The following FNDC3B variants were observed in gnomAD, a reference collection of about 807,000 sequenced individuals.
FNDC3B encodes the protein fibronectin type III domain containing 3B.
In FNDC3B, 12 loss-of-function variants were observed where a neutral mutation model predicts 151.5. The observed-to-expected ratio is 0.08, with a 90% CI of 0.05 to 0.13. The LOEUF is 0.13. Ranked by LOEUF, FNDC3B falls within the 10% of genes least tolerant of loss-of-function variation. The pLI, the probability that FNDC3B is intolerant of heterozygous loss-of-function variation, is 1.00. For synonymous variants in FNDC3B, 528 were observed against 549.0 expected, an observed-to-expected ratio of 0.96 and a Z score of 0.54; for missense variants, 1,214 against 1,505.3, an observed-to-expected ratio of 0.81 and a Z score of 3.20.
rs113096080 is a variant in FNDC3B, at chr3:172,192,432, G to A, written c.188-34439G>A. ...GCTCTCCTGACCTTGTGATCCGCCC[G>A]CCTCGGCCTCCCAAAGTGCTAGGAT... On this transcript the variant is annotated intron_variant, in intron 3 of 25. Coordinates refer to ENST00000415807, the MANE Select transcript of FNDC3B (RefSeq NM_022763.4). Among the ~76,000 whole-genome samples, 1,279 of 151,900 alleles carry A rather than the reference G, an allele frequency of 8.4e-3. 15 individuals are homozygous for A. The highest frequency in any genetic ancestry group is 0.029 in the African/African-American group (1,192 of 41,422).
At chr3:172,237,752 G>T (rs1727241427) in intron 4 of FNDC3B, among the ~76,000 whole-genome samples, 1 of 152,202 alleles carries the variant, frequency 6.6e-6, no homozygotes. Context: ...ACAAAATTAG[G>T]TGTTTAGACT....
At chr3:172,283,577 A>G (rs1729852420) in intron 6 of FNDC3B, among the ~76,000 whole-genome samples, 1 of 152,184 alleles carries the variant, frequency 6.6e-6, no homozygotes, top group South Asian at 2.1e-4. Flanking sequence ...TAGCAAGAGG[A>G]AACAGTTACC....
chr3:172,363,208 T>C (rs1359125901), intron 23 of FNDC3B, among the ~76,000 whole-genome samples: 1 of 152,200 alleles, frequency 6.6e-6, no homozygotes, highest in Non-Finnish European at 1.5e-5. Flanking sequence ...GAAGAGATGT[T>C]ACCTCTTTAA....
rs561344481 is a variant in FNDC3B, at chr3:172,133,343, C to T, written c.112-128C>T. ...CATGCCCCCAATTAAGACTTATACT[C>T]CAAGTTTTGTGTTTATAAAAGATTT... is the stretch of plus-strand genomic sequence containing the variant. On this transcript the variant is annotated intron_variant, in intron 2 of 25. Coordinates refer to ENST00000415807, the MANE Select transcript of FNDC3B (RefSeq NM_022763.4). 7.5e-5 allele frequency: 53 copies of T among 703,928 alleles called. 1 individual carries two copies. In the South Asian group the frequency reaches 8.4e-4, roughly 11 times the overall value. 43.6% of individuals were successfully genotyped at this position (703,928 alleles called of 1,614,324 possible).
intron 3 of FNDC3B, among the ~76,000 whole-genome samples, chr3:172,171,873 C>T (rs191355988): frequency 6.6e-6 from 1 of 152,014 alleles, no homozygotes; most frequent in Non-Finnish European, 1.5e-5. Context: ...CTGCCCTGTA[C>T]TTTAGCACCA....
chr3:172,258,706 G>A (rs1028748815), intron 6 of FNDC3B, among the ~76,000 whole-genome samples: 1 of 152,180 alleles, frequency 6.6e-6, no homozygotes. Flanking sequence ...CCTTTGTCTG[G>A]AATGACGTGC....
intron 15 of FNDC3B, 57 bp downstream of exon 15, chr3:172,335,139 T>A (rs1192542290): frequency 2.3e-5 from 34 of 1,497,860 alleles, no homozygotes; most frequent in Middle Eastern, 1.8e-4. Flanking sequence ...GATAGATTTT[T>A]AAAAAATGAT....
In FNDC3B at chr3:172,112,516, C is replaced by T; in HGVS notation, c.37C>T (p.Leu13=). The part of the protein sequence containing the change: ...VTMMMTDQIP[L]ELPPLLNGEV... ...AATGATGATGACCGACCAAATCCCT[C>T]TGGAACTGCCACCATTGCTGAACGG... The change falls in exon 2 of 26, where the codon CTG becomes TTG. Residue 13 remains leucine, a synonymous_variant. Coordinates refer to ENST00000415807, the MANE Select transcript of FNDC3B (RefSeq NM_022763.4). The T allele has an allele frequency of 6.2e-7, 1 of 1,614,166 alleles. No homozygotes were observed. The highest frequency in any genetic ancestry group is 8.5e-7 in the Non-Finnish European group (1 of 1,179,970).
intron 1 of FNDC3B, among the ~76,000 whole-genome samples, chr3:172,087,274 C>T (rs1171169080): frequency 1.3e-5 from 2 of 152,194 alleles, no homozygotes; most frequent in Non-Finnish European, 1.5e-5. Context: ...TCTTTTTCTT[C>T]TGCTGTTGGT....
intron 3 of FNDC3B, among the ~76,000 whole-genome samples, chr3:172,159,832 A>C (rs912534269): frequency 2.0e-5 from 3 of 152,222 alleles, no homozygotes; most frequent in Non-Finnish European, 2.9e-5. Context: ...AAGAAATCTC[A>C]TCTGCTGTAC....
At chr3:172,299,444 TAG>T (rs1020745523) in intron 9 of FNDC3B, among the ~76,000 whole-genome samples, 1 of 152,232 alleles carries the variant, frequency 6.6e-6, no homozygotes, top group Non-Finnish European at 1.5e-5. Context: ...CTGAATTTTT[TAG>T]AGAGACCATC....
intron 3 of FNDC3B, among the ~76,000 whole-genome samples, chr3:172,179,382 T>G (rs918349887): frequency 2.0e-5 from 3 of 152,158 alleles, no homozygotes; most frequent in African/African-American, 7.2e-5. Context: ...ATAACTATTA[T>G]GCTCAAGGTA....
At chr3:172,356,986 A>T (rs534379594) in intron 22 of FNDC3B, among the ~76,000 whole-genome samples, 4 of 152,172 alleles carry the variant, frequency 2.6e-5, no homozygotes, top group African/African-American at 7.2e-5. Flanking sequence ...TTCGAAAGTC[A>T]TTCTTCTTTT....
chr3:172,169,856 T>A (rs1723201260), intron 3 of FNDC3B, among the ~76,000 whole-genome samples: 1 of 152,206 alleles, frequency 6.6e-6, no homozygotes, highest in Admixed American at 6.5e-5. Flanking sequence ...GTCTTTACAT[T>A]TTATGCTTGC....
intron 4 of FNDC3B, among the ~76,000 whole-genome samples, chr3:172,243,028 ATGC>A (rs1440834559): frequency 3.3e-5 from 5 of 152,178 alleles, no homozygotes; most frequent in Non-Finnish European, 7.4e-5. Flanking sequence ...CAGAGACAGA[ATGC>A]TGCCACTCCC....
chr3:172,073,318 C>T (rs1717867516), intron 1 of FNDC3B, among the ~76,000 whole-genome samples: 1 of 152,136 alleles, frequency 6.6e-6, no homozygotes, highest in Non-Finnish European at 1.5e-5. Flanking sequence ...TCCTGTTTGC[C>T]CACTTTCCAT....
intron 3 of FNDC3B, among the ~76,000 whole-genome samples, chr3:172,197,475 CACTT>C (rs1255862421): frequency 6.6e-6 from 1 of 152,184 alleles, no homozygotes; most frequent in Non-Finnish European, 1.5e-5. Flanking sequence ...AACATTAGGA[CACTT>C]ACTTTGATGT....
chr3:172,313,791 T>C lies in FNDC3B; in HGVS notation c.1254+2910T>C, dbSNP rs1196680655. On this transcript the variant is annotated intron_variant, in intron 11 of 25. Transcript: ENST00000415807. The stretch of plus-strand genomic sequence containing the variant: ...GAAAAAATGGTGCTATCGGGTTTCC[T>C]GGCAATGAGAATTCAAGCAGTAGTA... Among the ~76,000 whole-genome samples the C allele has an allele frequency of 3.9e-5, 6 of 152,328 alleles. No homozygotes were observed. The East Asian group carries it at 1.2e-3, about 29-fold the overall frequency.
chr3:172,067,545 T>C (rs991287906), intron 1 of FNDC3B, among the ~76,000 whole-genome samples: 1 of 152,206 alleles, frequency 6.6e-6, no homozygotes, highest in Non-Finnish European at 1.5e-5. Context: ...ACTTTCTTAG[T>C]GTTTTATGTT....
Sources: gnomAD v4.1 joint callset for allele counts (sites outside exome capture counted in the v4.1 genomes callset) on GRCh38, gnomAD v4.1.1 for gene constraint, MANE v1.5 for transcripts, NCBI Gene and HGNC (gene_info 2026-07-23, HGNC 2026-07-21) for gene names.